POMGNT2: variants seen among roughly 807,000 people sequenced by gnomAD.
POMGNT2 encodes protein O-linked mannose N-acetylglucosaminyltransferase 2 (beta 1,4-).
Under a neutral mutation model 37.8 loss-of-function variants are expected in POMGNT2, and 32 were observed. That is an observed-to-expected ratio of 0.85 (90% CI 0.64 to 1.14). The LOEUF (loss-of-function observed/expected upper bound fraction) is 1.14, where lower values mean the gene tolerates loss of function less well. Among genes scored for constraint, POMGNT2 ranks in the 50% most tolerant of loss-of-function variants. The pLI is 0.00. For missense variants in POMGNT2, 705 were observed against 780.6 expected (o/e 0.90, Z 1.15); for synonymous variants, 340 against 336.8 (o/e 1.01, Z -0.10).
At chr3:43,089,602 T>A (rs1474552138) in intron 1 of POMGNT2, among the ~76,000 whole-genome samples, 1 of 152,038 alleles carries the variant, frequency 6.6e-6, no homozygotes, top group Non-Finnish European at 1.5e-5. Context: ...TCTCCCCATT[T>A]AATACAGGAG....
intron 1 of POMGNT2, among the ~76,000 whole-genome samples, chr3:43,086,103 G>A (rs2089896128): frequency 6.6e-6 from 1 of 152,156 alleles, no homozygotes; most frequent in South Asian, 2.1e-4. Flanking sequence ...AGGTATCCTT[G>A]GCATCCTGCT....
At position 43,080,837 on chromosome 3, in the gene POMGNT2, C is replaced by T. The variant is rs758760216; in HGVS notation, c.595G>A (p.Glu199Lys). ...TTGTAGAGGTCGAAGTGTGCACCCT[C>T]GCCCCAGCCCTCCATGAAGAAGAGC... ...ARLFFMEGWG[E>K]GAHFDLYKLL... Residue 199 changes from glutamate to lysine, a missense_variant, in exon 2 of 2, where the codon GAG becomes AAG. Physicochemically the swap from Glu to Lys is moderately conservative, Grantham distance 56. Transcript: ENST00000344697. 55 of 1,613,922 alleles carry T rather than the reference C, an allele frequency of 3.4e-5. No homozygotes were observed. Among genetic ancestry groups the T allele is most frequent in the African/African-American group, 6.7e-5 (5 of 74,932 alleles).
At chr3:43,089,179 G>A (rs958133558) in intron 1 of POMGNT2, among the ~76,000 whole-genome samples, 2 of 152,208 alleles carry the variant, frequency 1.3e-5, no homozygotes, top group Admixed American at 6.5e-5. Context: ...CGAGAACTAA[G>A]GCCACCAAAG....
At position 43,080,885 on chromosome 3, in the gene POMGNT2, G is replaced by A. The variant is rs773314732; in HGVS notation, c.547C>T (p.Pro183Ser). ...LPLFYTLRQF[P>S]GLAHEARLFF... ...AGCCGTGCCTCGTGGGCCAGGCCGG[G>A]AAACTGCCGCAGGGTGTAGAAGAGT... is the stretch of plus-strand genomic sequence containing the variant. Residue 183 changes from proline to serine, a missense_variant, in exon 2 of 2, where the codon CCC becomes TCC. Transcript: ENST00000344697. 6.2e-7 allele frequency: 1 copy of A among 1,614,162 alleles called. No individual in the cohort carries two copies. Among genetic ancestry groups the A allele is most frequent in the Non-Finnish European group, 8.5e-7 (1 of 1,180,022 alleles).
Position 43,081,297 on chromosome 3 carries a change from T to C in POMGNT2, c.135A>G (p.Pro45=), listed in dbSNP as rs2089853163. The change falls in exon 2 of 2, where the codon CCA becomes CCG. Residue 45 remains proline (P), a synonymous_variant. Coordinates refer to ENST00000344697, the MANE Select transcript of POMGNT2 (RefSeq NM_032806.6). Reference sequence around the variant, plus strand: ...GGTAGTCGATCCTCAGTGCTGGGGCTGGCTCTGTGGCCTGTCGGCTGAGGG... The same window carrying C: ...GGTAGTCGATCCTCAGTGCTGGGGCCGGCTCTGTGGCCTGTCGGCTGAGGG... ...ELALSRQATE[P]APALRIDYPK... is the part of the protein sequence containing the mutation. 2 of 1,612,800 alleles carry C rather than the reference T, an allele frequency of 1.2e-6. No homozygotes were observed.
At chr3:43,097,800 G>A (rs1369961240) in intron 1 of POMGNT2, among the ~76,000 whole-genome samples, 1 of 152,130 alleles carries the variant, frequency 6.6e-6, no homozygotes, top group Non-Finnish European at 1.5e-5. Context: ...GTAACTTCTG[G>A]CAATTATTCA....
chr3:43,100,328 G>A (rs116479179), intron 1 of POMGNT2, among the ~76,000 whole-genome samples: 79 of 152,254 alleles, frequency 5.2e-4, no homozygotes, highest in African/African-American at 1.9e-3. Flanking sequence ...CATTGTATTA[G>A]GTATTATAAA....
chr3:43,084,558 T>C (rs943373496), intron 1 of POMGNT2, among the ~76,000 whole-genome samples: 5 of 150,796 alleles, frequency 3.3e-5, no homozygotes, highest in East Asian at 3.9e-4. Flanking sequence ...GGCAGGAGAA[T>C]GGCATGAACC....
Position 43,091,421 on chromosome 3 carries a change from GAT to G in POMGNT2, c.-105-9887_-105-9886del, listed in dbSNP as rs1409057503. 4.6e-5 allele frequency among the ~76,000 whole-genome samples: 7 copies of G among 152,240 alleles called. No individual in the cohort carries two copies. The East Asian group carries it at 1.2e-3, about 25-fold the overall frequency. On this transcript the variant is annotated intron_variant, in intron 1 of 1. Transcript: ENST00000344697. ...AATAAAATATCCATGAGTCAATATT[GAT>G]ATGAATAAATAATTAGGAGAGAAAG...
chr3:43,104,067 G>A (rs768304891), intron 1 of POMGNT2, among the ~76,000 whole-genome samples: 1 of 152,156 alleles, frequency 6.6e-6, no homozygotes, highest in Non-Finnish European at 1.5e-5. Flanking sequence ...ACTACCTGAA[G>A]TAAATGCTAT....
chr3:43,080,479 G>A lies in POMGNT2; in HGVS notation c.953C>T (p.Thr318Ile). 2 of 1,614,202 alleles carry A rather than the reference G, an allele frequency of 1.2e-6. No individual in the cohort carries two copies. The highest frequency in any genetic ancestry group is 1.7e-6 in the Non-Finnish European group (2 of 1,180,038). ...GTGGTCCTCCAGGGACACTGTCACTGTCTTCATCTGGAACTCCTGGGCCAG... is the reference window on the plus strand; with the variant it reads ...GTGGTCCTCCAGGGACACTGTCACTATCTTCATCTGGAACTCCTGGGCCAG... ...LALAQEFQMK[T>I]VTVSLEDHTF... Residue 318 changes from threonine (T) to isoleucine (I), a missense_variant, in exon 2 of 2, where the codon ACA (threonine) becomes ATA (isoleucine). Transcript: ENST00000344697.
chr3:43,088,178 T>C (rs570033215), intron 1 of POMGNT2: 6 of 152,356 alleles, frequency 3.9e-5, no homozygotes, highest in African/African-American at 1.4e-4. Flanking sequence ...TTTTAAAACA[T>C]TTTGGACATA....
chr3:43,086,084 C>T (rs2089895924), intron 1 of POMGNT2, among the ~76,000 whole-genome samples: 1 of 152,120 alleles, frequency 6.6e-6, no homozygotes, highest in South Asian at 2.1e-4. Flanking sequence ...CTATTTTGAC[C>T]AGAACCTGAG....
intron 1 of POMGNT2, among the ~76,000 whole-genome samples, chr3:43,102,288 G>A (rs2090024968): frequency 6.6e-6 from 1 of 152,192 alleles, no homozygotes. Flanking sequence ...CCTTCCTAAG[G>A]CTTAGCTCAG....
chr3:43,105,509 T>C (rs1246436422), intron 1 of POMGNT2, among the ~76,000 whole-genome samples: 1 of 151,022 alleles, frequency 6.6e-6, no homozygotes, highest in Non-Finnish European at 1.5e-5. Context: ...CGCCAGTGCC[T>C]GCCACGAGCT....
intron 1 of POMGNT2, among the ~76,000 whole-genome samples, chr3:43,095,361 C>A (rs1432561417): frequency 1.3e-5 from 2 of 152,178 alleles, no homozygotes; most frequent in African/African-American, 4.8e-5. Flanking sequence ...TGCAAAGGAC[C>A]CCACTGCCCT....
At position 43,079,925 on chromosome 3, in the gene POMGNT2, T is replaced by C. The variant is rs750683375; in HGVS notation, c.1507A>G (p.Thr503Ala). The part of the protein sequence containing the change: ...SVHGASEARL[T>A]VSWQIPWNLK... ...TTCCATGGGATCTGCCAGGAGACAGTGAGGCGGGCCTCGGAGGCGCCATGC... is the reference window on the plus strand; with the variant it reads ...TTCCATGGGATCTGCCAGGAGACAGCGAGGCGGGCCTCGGAGGCGCCATGC... The change falls in exon 2 of 2, where the codon ACT (threonine) becomes GCT (alanine). Residue 503 changes from threonine to alanine, a missense_variant. Physicochemically the swap from Thr to Ala is moderately conservative, Grantham distance 58. Transcript: ENST00000344697. The C allele has an allele frequency of 2.5e-5, 40 of 1,613,976 alleles. No homozygotes were observed. Among genetic ancestry groups the C allele is most frequent in the Non-Finnish European group, 2.2e-5 (26 of 1,180,032 alleles).
At chr3:43,086,167 A>G (rs1227369500) in intron 1 of POMGNT2, among the ~76,000 whole-genome samples, 1 of 152,180 alleles carries the variant, frequency 6.6e-6, no homozygotes, top group Non-Finnish European at 1.5e-5. Context: ...TTTGAGGAAA[A>G]CCAAGTAGCT....
At chr3:43,101,452 G>A (rs1479815305) in intron 1 of POMGNT2, among the ~76,000 whole-genome samples, 1 of 152,188 alleles carries the variant, frequency 6.6e-6, no homozygotes, top group African/African-American at 2.4e-5. Context: ...TGGCCATGGT[G>A]TCTTCCAAAG....
Sources: gnomAD v4.1 joint callset for allele counts (sites outside exome capture counted in the v4.1 genomes callset) on GRCh38, gnomAD v4.1.1 for gene constraint, MANE v1.5 for transcripts, NCBI Gene and HGNC (gene_info 2026-07-23, HGNC 2026-07-21) for gene names.